The following NTNG2 variants were observed in gnomAD, a reference collection of about 807,000 sequenced individuals.
The protein encoded by NTNG2 is netrin G2.
Under a neutral mutation model 47.6 loss-of-function variants are expected in NTNG2, and 15 were observed. The ratio of observed to expected loss-of-function variants is 0.32; its 90% CI spans 0.21 to 0.49. The LOEUF (loss-of-function observed/expected upper bound fraction) is 0.49. Ranked by LOEUF, NTNG2 falls within the 20% of genes least tolerant of loss-of-function variation. The pLI is 0.99. For synonymous variants in NTNG2, 307 were observed against 324.6 expected (o/e 0.95, Z 0.58); for missense variants, 578 against 764.6 (o/e 0.76, Z 2.88).
In NTNG2 at chr9:132,231,452, C is replaced by CA. The variant is rs1564440585; in HGVS notation, c.1054+858dup. ...TCCACCAGGGCTCTGTGGGGCCCCA[C>CA]ATCCCACCCAAGTTGTCCCTCCCGG... On this transcript the variant is annotated intron_variant, in intron 5 of 7. Coordinates refer to ENST00000393229, the MANE Select transcript of NTNG2 (RefSeq NM_032536.4). The surrounding 1 kb of genome is among the most constrained non-coding windows in gnomAD (Gnocchi z 4.1). The CA allele has an allele frequency of 2.5e-6, 1 of 402,468 alleles. No individual in the cohort carries two copies. Among genetic ancestry groups the CA allele is most frequent in the East Asian group, 7.6e-5 (1 of 13,112 alleles). The allele number at this position is 402,468 out of a possible 1,614,324, so 24.9% of individuals were successfully genotyped here. A position where few individuals can be genotyped will look rare whatever the true frequency, so the allele number is the denominator to read the frequency against.
chr9:132,168,012 T>C (rs1835622272), intron 2 of NTNG2, among the ~76,000 whole-genome samples: 1 of 152,192 alleles, frequency 6.6e-6, no homozygotes, highest in Non-Finnish European at 1.5e-5. Context: ...GTGGTTTAAT[T>C]AACGTAGGTA....
At chr9:132,172,223 G>A (rs1241009774) in intron 2 of NTNG2, among the ~76,000 whole-genome samples, 6 of 152,112 alleles carry the variant, frequency 3.9e-5, no homozygotes, top group Admixed American at 3.9e-4. Flanking sequence ...CTTTTTCAAG[G>A]TTCAGGTTGG....
rs1342430943 is a variant in NTNG2 at position 132,208,226 on chromosome 9, G to A, written c.857+9617G>A. ...AAACCTGAAGGGGGAACGGGGGCAC[G>A]GCATTTGTGGCAGGGGGACAGCAGG... is the stretch of plus-strand genomic sequence containing the variant. On this transcript the variant is annotated intron_variant, in intron 3 of 7. Coordinates refer to ENST00000393229, the MANE Select transcript of NTNG2 (RefSeq NM_032536.4). The surrounding 1 kb of genome is among the most constrained non-coding windows in gnomAD (Gnocchi z 4.0). 2.6e-5 allele frequency among the ~76,000 whole-genome samples: 4 copies of A among 151,994 alleles called. No homozygotes were observed. Among genetic ancestry groups the A allele is most frequent in the African/African-American group, 7.3e-5 (3 of 41,368 alleles).
At chr9:132,187,114 G>A (rs1837450017) in intron 2 of NTNG2, among the ~76,000 whole-genome samples, 1 of 152,244 alleles carries the variant, frequency 6.6e-6, no homozygotes, top group African/African-American at 2.4e-5. Flanking sequence ...CAGAGACTCT[G>A]GGTTCAAGGT....
chr9:132,176,941 G>A (rs906460371), intron 2 of NTNG2, among the ~76,000 whole-genome samples: 2 of 152,150 alleles, frequency 1.3e-5, no homozygotes, highest in African/African-American at 2.4e-5. Flanking sequence ...GCATTTCCCC[G>A]ATAGCTAATG....
chr9:132,242,054 C>G lies in NTNG2; in HGVS notation c.1536C>G (p.Pro512=). Residue 512 remains proline, a synonymous_variant, in exon 8 of 8, where the codon CCC becomes CCG. Transcript: ENST00000393229. This position sits in a 1 kb window ranked among gnomAD's most constrained non-coding sequence, Gnocchi z 5.9. ...CDRAPGAAPR[P]ATLLGCLLLL... is the part of the protein sequence containing the mutation. ...GCGCGCCCGGGGCCGCCCCGCGCCC[C>G]GCCACCCTGCTCGGCTGCCTGCTGC... is the stretch of plus-strand genomic sequence containing the variant. 8.0e-7 allele frequency: 1 copy of G among 1,253,838 alleles called. No individual in the cohort carries two copies. The highest frequency in any genetic ancestry group is 1.0e-6 in the Non-Finnish European group (1 of 1,002,916). 77.7% of individuals were successfully genotyped at this position (1,253,838 alleles called of 1,614,324 possible).
At chr9:132,206,963 C>G (rs1465306038) in intron 3 of NTNG2, among the ~76,000 whole-genome samples, 1 of 152,242 alleles carries the variant, frequency 6.6e-6, no homozygotes, top group Non-Finnish European at 1.5e-5. Flanking sequence ...GTCTTTGGCT[C>G]TGCTCCACTG....
rs771590912 is a variant in NTNG2, at chr9:132,162,535, A to AGTGTGT, written c.-484+312_-484+317dup. 6.8e-4 allele frequency among the ~76,000 whole-genome samples: 53 copies of AGTGTGT among 78,258 alleles called. No individual in the cohort carries two copies. Among genetic ancestry groups the AGTGTGT allele is most frequent in the Admixed American group, 1.8e-3 (16 of 9,128 alleles). The allele number at this position is 78,258 out of a possible 152,430, so 51.3% of individuals were successfully genotyped here. A position where few individuals can be genotyped will look rare whatever the true frequency, so the allele number is the denominator to read the frequency against. ...GGGTCCTTTCCGTCGTGTGTGTGAGAGTGTGTGTGTGTGTGTGTGTGAGAG... is the reference window on the plus strand; with the variant it reads ...GGGTCCTTTCCGTCGTGTGTGTGAGAGTGTGTGTGTGTGTGTGTGTGTGTGTGAGAG... On this transcript the variant is annotated intron_variant, in intron 1 of 7. Coordinates refer to ENST00000393229, the MANE Select transcript of NTNG2 (RefSeq NM_032536.4). This position sits in a 1 kb window ranked among gnomAD's most constrained non-coding sequence, Gnocchi z 4.6.
intron 1 of NTNG2, among the ~76,000 whole-genome samples, chr9:132,164,921 T>A (rs969018123): frequency 6.4e-4 from 98 of 152,266 alleles, no homozygotes; most frequent in African/African-American, 2.1e-3. Flanking sequence ...CCACTTCGGT[T>A]TGTCATTTTT....
intron 2 of NTNG2, among the ~76,000 whole-genome samples, chr9:132,174,587 C>A (rs763374208): frequency 9.2e-5 from 14 of 152,072 alleles, no homozygotes; most frequent in Non-Finnish European, 1.6e-4. Flanking sequence ...CGAGACCAGG[C>A]GTGTGATGAC....
intron 3 of NTNG2, among the ~76,000 whole-genome samples, chr9:132,214,362 G>A (rs551801368): frequency 1.8e-4 from 28 of 152,312 alleles, no homozygotes; most frequent in Non-Finnish European, 3.4e-4. Flanking sequence ...TCCCTGCAGC[G>A]CAGGGCACGC....
chr9:132,162,101 C>T lies in NTNG2; in HGVS notation c.-622C>T, dbSNP rs1400757591. On this transcript the variant is annotated 5_prime_UTR_variant, in exon 1 of 8. Transcript: ENST00000393229. This position sits in a 1 kb window ranked among gnomAD's most constrained non-coding sequence, Gnocchi z 4.6. ...GCGGCGGCCACAGCGGCGGGAGCGGCGCGGGGAAGGAGCAGCGGCTCGCAG... is the reference window on the plus strand; with the variant it reads ...GCGGCGGCCACAGCGGCGGGAGCGGTGCGGGGAAGGAGCAGCGGCTCGCAG... 6.6e-6 allele frequency: 1 copy of T among 150,878 alleles called. No homozygotes were observed. The highest frequency in any genetic ancestry group is 1.5e-5 in the Non-Finnish European group (1 of 67,740). The allele number at this position is 150,878 out of a possible 1,614,324, so 9.3% of individuals were successfully genotyped here.
intron 3 of NTNG2, among the ~76,000 whole-genome samples, chr9:132,202,582 G>A (rs1300429984): frequency 6.6e-6 from 1 of 152,250 alleles, no homozygotes; most frequent in Non-Finnish European, 1.5e-5. Context: ...AGCCTGGAGA[G>A]TGGCTGGCTT....
chr9:132,205,891 A>T (rs1003522466), intron 3 of NTNG2, among the ~76,000 whole-genome samples: 17 of 152,158 alleles, frequency 1.1e-4, no homozygotes, highest in Admixed American at 2.6e-4. Context: ...AAAAGAAAAA[A>T]ACATGGTAAG....
At chr9:132,178,192 CCCCTCCCCA>C (rs1044469032) in intron 2 of NTNG2, among the ~76,000 whole-genome samples, 7 of 151,846 alleles carry the variant, frequency 4.6e-5, no homozygotes, top group Admixed American at 3.3e-4. Context: ...CCCTCCCCTT[CCCCTCCCCA>C]CCCTCATTTT....
chr9:132,240,020 C>T (rs1436862772), intron 6 of NTNG2, among the ~76,000 whole-genome samples: 1 of 152,238 alleles, frequency 6.6e-6, no homozygotes, highest in Non-Finnish European at 1.5e-5. Context: ...GACCGCCAAC[C>T]AAAACGCACC....
At position 132,182,333 on chromosome 9, in the gene NTNG2, G is replaced by C. The variant is rs1270671814; in HGVS notation, c.213+15289G>C. ...GGTGCAGGGGGTGGAGGAGTGTGCT[G>C]TCTGCCAAGGGAGGGCTCCAGGCCT... On this transcript the variant is annotated intron_variant, in intron 2 of 7. Transcript: ENST00000393229. The surrounding 1 kb of genome is among the most constrained non-coding windows in gnomAD (Gnocchi z 4.2). 2.6e-5 allele frequency among the ~76,000 whole-genome samples: 4 copies of C among 152,160 alleles called. No individual in the cohort carries two copies. The highest frequency in any genetic ancestry group is 4.4e-5 in the Non-Finnish European group (3 of 68,020).
At chr9:132,189,068 C>CT (rs749756559) in intron 2 of NTNG2, among the ~76,000 whole-genome samples, 4,917 of 93,384 alleles carry the variant, frequency 0.053, 864 homozygotes, top group African/African-American at 0.15. Context: ...TTAAGCCTTT[C>CT]TTTTTTTTTT....
At chr9:132,185,889 G>A (rs1021792939) in intron 2 of NTNG2, among the ~76,000 whole-genome samples, 1 of 149,246 alleles carries the variant, frequency 6.7e-6, no homozygotes, top group African/African-American at 2.5e-5. Flanking sequence ...AGGAGGAGGA[G>A]GAGGGAAAGG....
Sources: gnomAD v4.1 joint callset for allele counts (sites outside exome capture counted in the v4.1 genomes callset) on GRCh38, gnomAD v4.1.1 for gene constraint, Gnocchi (gnomAD v3.1) non-coding constraint, MANE v1.5 for transcripts, NCBI Gene and HGNC (gene_info 2026-07-23, HGNC 2026-07-21) for gene names.